ZNF45: variants seen among roughly 807,000 people sequenced by gnomAD.
ZNF45 encodes zinc finger protein 45, also known as BRC1744.
Under a neutral mutation model 12.0 loss-of-function variants are expected in ZNF45, and 4 were observed. The observed-to-expected ratio is 0.33, with a 90% CI of 0.16 to 0.76. ZNF45 has a LOEUF of 0.76. ZNF45 is among the 30% of genes least tolerant of loss of function. The pLI, the probability that ZNF45 is intolerant of heterozygous loss-of-function variation, is 0.60. For synonymous variants in ZNF45, 272 were observed against 279.6 expected (o/e 0.97, Z 0.27); for missense variants, 700 against 813.0 (o/e 0.86, Z 1.69).
At chr19:43,920,593 G>A (rs1268742826) in intron 7 of ZNF45, among the ~76,000 whole-genome samples, 2 of 112,436 alleles carry the variant, frequency 1.8e-5, no homozygotes, top group East Asian at 3.1e-4. Context: ...CTAGCATATC[G>A]TATTGGTTTT....
chr19:43,932,820 T>TTA (rs1452754337), intron 2 of ZNF45, 130 bp from the exon 3 acceptor site: 2 of 152,236 alleles, frequency 1.3e-5, no homozygotes, highest in African/African-American at 4.8e-5. Context: ...ATAAGTAGCA[T>TTA]TCTCCTAGCT....
intron 9 of ZNF45, among the ~76,000 whole-genome samples, chr19:43,917,655 T>C (rs1972801734): frequency 6.6e-6 from 1 of 152,116 alleles, no homozygotes; most frequent in South Asian, 2.1e-4. Flanking sequence ...TCAGCTAATT[T>C]TTGTATTTTT....
chr19:43,928,181 CAAAA>C (rs71338710), intron 3 of ZNF45, among the ~76,000 whole-genome samples: 2 of 93,894 alleles, frequency 2.1e-5, no homozygotes, highest in Non-Finnish European at 4.1e-5. Context: ...AACTCTGTCT[CAAAA>C]AAAAAAAAAA....
In ZNF45 at chr19:43,913,937, T is replaced by C. The variant is rs1972416885; in HGVS notation, c.1499A>G (p.Tyr500Cys). 5 of 1,602,252 alleles carry C rather than the reference T, an allele frequency of 3.1e-6. No homozygotes were observed. The highest frequency in any genetic ancestry group is 4.3e-6 in the Non-Finnish European group (5 of 1,171,344). Residue 500 changes from tyrosine (Y) to cysteine (C), a missense_variant, in exon 10 of 10, where the codon TAT becomes TGT. Transcript: ENST00000269973. ...GGCCTTACCACACCTCTCGCATTTATAGGGTTTCTCTCCTGTGTGGATTCT... is the reference window on the plus strand; with the variant it reads ...GGCCTTACCACACCTCTCGCATTTACAGGGTTTCTCTCCTGTGTGGATTCT... ...HCRIHTGEKP[Y>C]KCERCGKAFS... is the part of the protein sequence containing the mutation.
In ZNF45 at chr19:43,914,666, A is replaced by T; in HGVS notation, c.770T>A (p.Val257Asp). 6.2e-7 allele frequency: 1 copy of T among 1,613,758 alleles called. No homozygotes were observed. The highest frequency in any genetic ancestry group is 8.5e-7 in the Non-Finnish European group (1 of 1,179,780). Reference protein sequence around the residue: ...PYKYEECGRNVGKSSHCQAPL... With the variant: ...PYKYEECGRNDGKSSHCQAPL... ...AGCTTGACAATGTGAGCTTTTCCCA[A>T]CATTCCTCCCACACTCTTCATATTT... is the stretch of plus-strand genomic sequence containing the variant. The change falls in exon 10 of 10, where the codon GTT becomes GAT. Residue 257 changes from valine to aspartate, a missense_variant. Val to Asp is a radical substitution (Grantham distance 152). Coordinates refer to ENST00000269973, the MANE Select transcript of ZNF45 (RefSeq NM_003425.4).
At position 43,922,227 on chromosome 19, in the gene ZNF45, G is replaced by A; in HGVS notation, c.-32-10C>T. 1 of 1,582,920 alleles carries A rather than the reference G, an allele frequency of 6.3e-7. No individual in the cohort carries two copies. Among genetic ancestry groups the A allele is most frequent in the South Asian group, 1.1e-5 (1 of 87,140 alleles). ...TGGAGAAGTGCCAAGTCTTAAGAGGGAAGGAGAAAACATGAGGGAAGGAGA... is the reference window on the plus strand; with the variant it reads ...TGGAGAAGTGCCAAGTCTTAAGAGGAAAGGAGAAAACATGAGGGAAGGAGA... On this transcript the variant is annotated splice_polypyrimidine_tract_variant and intron_variant, in intron 6 of 9. Transcript: ENST00000269973.
chr19:43,931,552 C>CAT (rs34720014), intron 3 of ZNF45, among the ~76,000 whole-genome samples: 48,619 of 150,478 alleles, frequency 0.32, 7,981 homozygotes, highest in Middle Eastern at 0.42. Flanking sequence ...AAAATGTATA[C>CAT]ATATATATAT....
chr19:43,918,062 G>C (rs1398109041), intron 9 of ZNF45, among the ~76,000 whole-genome samples: 1 of 152,162 alleles, frequency 6.6e-6, no homozygotes, highest in African/African-American at 2.4e-5. Context: ...CTACTAAAAT[G>C]ATAAGTAATA....
At position 43,918,906 on chromosome 19, in the gene ZNF45, T is replaced by C. The variant is rs769512924; in HGVS notation, c.199A>G (p.Met67Val). ...TCTCTCTGGGTTGCCATCTTCATCA[T>C]CCACAGCTTTTCTTCTCTCTCTAAC... The part of the protein sequence containing the change: ...PQLEREEKLW[M>V]MKMATQRDNS... Residue 67 changes from methionine to valine, a missense_variant, in exon 9 of 10, where the codon ATG becomes GTG. Physicochemically the swap from Met to Val is conservative, Grantham distance 21. Coordinates refer to ENST00000269973, the MANE Select transcript of ZNF45 (RefSeq NM_003425.4). The C allele has an allele frequency of 3.1e-6, 5 of 1,614,168 alleles. No individual in the cohort carries two copies. The Admixed American group carries it at 6.7e-5, about 22-fold the overall frequency.
At chr19:43,917,473 T>G (rs190893588) in intron 9 of ZNF45, among the ~76,000 whole-genome samples, 1 of 146,094 alleles carries the variant, frequency 6.8e-6, no homozygotes, top group Admixed American at 7.3e-5. Flanking sequence ...ACTTTGCAAG[T>G]TTTCACTTTT....
Position 43,920,545 on chromosome 19 carries a change from G to C in ZNF45, c.16-846C>G, listed in dbSNP as rs1056838212. The stretch of plus-strand genomic sequence containing the variant: ...CCAGATGTTGCCGGGTGGGGGGGGG[G>C]GGCAGTGGGCGGTAAAGTCACCCAT... On this transcript the variant is annotated intron_variant, in intron 7 of 9. Transcript: ENST00000269973. Among the ~76,000 whole-genome samples, 8 of 127,606 alleles carry C rather than the reference G, an allele frequency of 6.3e-5. 1 individual carries two copies. Among genetic ancestry groups the C allele is most frequent in the African/African-American group, 2.2e-4 (8 of 36,398 alleles). 83.7% of individuals were successfully genotyped at this position (127,606 alleles called of 152,430 possible). A position where few individuals can be genotyped will look rare whatever the true frequency, so the allele number is the denominator to read the frequency against.
At chr19:43,926,886 C>T (rs1404738753) in intron 3 of ZNF45, among the ~76,000 whole-genome samples, 2 of 152,116 alleles carry the variant, frequency 1.3e-5, no homozygotes, top group East Asian at 1.9e-4. Flanking sequence ...ACCATGATGA[C>T]GTTCAAGTCA....
chr19:43,919,749 G>T (rs774828560), intron 7 of ZNF45, 50 bp from the exon 8 acceptor site: 1 of 1,596,406 alleles, frequency 6.3e-7, no homozygotes, highest in Non-Finnish European at 8.6e-7. Flanking sequence ...AGGTCCACTG[G>T]AAAAGGGATA....
intron 9 of ZNF45, among the ~76,000 whole-genome samples, chr19:43,917,173 G>A (rs1042475086): frequency 2.6e-5 from 4 of 152,134 alleles, no homozygotes; most frequent in Non-Finnish European, 5.9e-5. Context: ...AATATTAGAC[G>A]TGTTTTGTAA....
intron 3 of ZNF45, among the ~76,000 whole-genome samples, chr19:43,928,371 G>A (rs546421035): frequency 2.6e-5 from 4 of 152,216 alleles, no homozygotes; most frequent in Admixed American, 6.5e-5. Context: ...CCATCAGAGG[G>A]TGGAGGGTGG....
intron 9 of ZNF45, among the ~76,000 whole-genome samples, chr19:43,917,090 A>G (rs776455958): frequency 2.0e-5 from 3 of 152,192 alleles, no homozygotes; most frequent in Non-Finnish European, 4.4e-5. Context: ...TTGTTTTTCA[A>G]ACTGAAGGCT....
At chr19:43,934,148 T>TA (rs1974343661) in intron 2 of ZNF45, among the ~76,000 whole-genome samples, 4 of 152,196 alleles carry the variant, frequency 2.6e-5, no homozygotes. Context: ...AGCACTGTGA[T>TA]ATAGGAAAGT....
intron 4 of ZNF45, chr19:43,925,065 A>G (rs1973560758): frequency 6.6e-6 from 1 of 152,162 alleles, no homozygotes; most frequent in African/African-American, 2.4e-5. Flanking sequence ...TTAGGTCATG[A>G]GGGTGAAGCC....
At chr19:43,926,454 C>T (rs1424517553) in intron 3 of ZNF45, 2 of 152,210 alleles carry the variant, frequency 1.3e-5, no homozygotes, top group African/African-American at 4.8e-5. Context: ...CCTTAAAATA[C>T]TGAGAATGAA....
Sources: allele counts gnomAD v4.1 joint callset (sites outside exome capture counted in the v4.1 genomes callset), GRCh38; gene constraint gnomAD v4.1.1; transcripts MANE v1.5; gene names NCBI Gene and HGNC (gene_info 2026-07-23, HGNC 2026-07-21).